Variants in ADGRL3 observed in about 807,000 individuals in gnomAD.
The protein encoded by ADGRL3 is calcium-independent alpha-latrotoxin receptor 3.
ADGRL3 carries 62 observed loss-of-function variants against 153.5 expected under a neutral mutation model. The ratio of observed to expected loss-of-function variants is 0.40; its 90% confidence interval spans 0.33 to 0.50. The LOEUF is 0.50. ADGRL3 is among the 20% of genes least tolerant of loss of function. The probability of loss-of-function intolerance (pLI) is 0.47; values close to 1 mark genes in which losing one functional copy is unlikely to be tolerated. For missense variants in ADGRL3, 1,641 were observed against 1,859.4 expected, an observed-to-expected ratio of 0.88 and a Z score of 2.16; for synonymous variants, 710 against 672.5, an observed-to-expected ratio of 1.06 and a Z score of -0.86.
intron 2 of ADGRL3, chr4:61,420,122 G>C (rs1359951895): frequency 2.0e-5 from 3 of 151,988 alleles, no homozygotes; most frequent in South Asian, 2.1e-4. Context: ...TATTTTAAAC[G>C]ATCTTTTTAA....
chr4:62,070,709 C>G lies in ADGRL3; in HGVS notation c.4433C>G (p.Pro1478Arg). The G allele has an allele frequency of 6.4e-7, 1 of 1,551,606 alleles. No homozygotes were observed. The highest frequency in any genetic ancestry group is 8.7e-7 in the Non-Finnish European group (1 of 1,146,972). ...ACCAGCACCCAGACCGAACCCCCAC[C>G]GGCCAAATGTGGTGATGCCGAAGAT... ...VTTSTQTEPP[P>R]AKCGDAEDVY... is the part of the protein sequence containing the mutation. Residue 1478 changes from proline to arginine, a missense_variant, in exon 27 of 27, where the codon CCG becomes CGG. This residue lies in a region of ADGRL3 where 517 missense variants were observed against 555.0 expected (regional missense o/e 0.93). Coordinates refer to ENST00000683033, the MANE Select transcript of ADGRL3 (RefSeq NM_001387552.1).
chr4:61,477,765 A>G (rs1286437626), intron 2 of ADGRL3, among the ~76,000 whole-genome samples: 1 of 152,108 alleles, frequency 6.6e-6, no homozygotes, highest in African/African-American at 2.4e-5. Flanking sequence ...ATGTGATGAT[A>G]TGTCTTTATC....
intron 1 of ADGRL3, among the ~76,000 whole-genome samples, chr4:61,348,226 A>C (rs2095964728): frequency 6.6e-6 from 1 of 152,070 alleles, no homozygotes; most frequent in Non-Finnish European, 1.5e-5. Context: ...CAAAACGATC[A>C]TAATATGATT....
chr4:61,533,874 T>C (rs1289079854), intron 4 of ADGRL3, among the ~76,000 whole-genome samples: 1 of 152,188 alleles, frequency 6.6e-6, no homozygotes, highest in African/African-American at 2.4e-5. Context: ...AAGTGCTATA[T>C]ACTAGGTACA....
chr4:61,521,097 G>A (rs1031484497), intron 4 of ADGRL3, among the ~76,000 whole-genome samples: 1 of 152,094 alleles, frequency 6.6e-6, no homozygotes, highest in African/African-American at 2.4e-5. Context: ...GTGTAACAGA[G>A]GCAATACTAG....
chr4:61,456,186 A>G (rs1327384789), intron 2 of ADGRL3, among the ~76,000 whole-genome samples: 1 of 151,472 alleles, frequency 6.6e-6, no homozygotes, highest in Non-Finnish European at 1.5e-5. Flanking sequence ...TTAAAATGAG[A>G]TGTAAAGCAT....
chr4:61,270,646 A>G (rs1039292306), intron 1 of ADGRL3, among the ~76,000 whole-genome samples: 17 of 151,938 alleles, frequency 1.1e-4, no homozygotes, highest in Non-Finnish European at 1.6e-4. Flanking sequence ...TATCAGAAGT[A>G]TATTTATACT....
At chr4:61,425,664 T>G (rs1169328126) in intron 2 of ADGRL3, among the ~76,000 whole-genome samples, 1 of 152,340 alleles carries the variant, frequency 6.6e-6, no homozygotes, top group South Asian at 2.1e-4. Context: ...CTATCTGTGC[T>G]AAAGTTACTG....
intron 5 of ADGRL3, among the ~76,000 whole-genome samples, chr4:61,640,306 A>G (rs1007955612): frequency 2.0e-5 from 3 of 152,194 alleles, no homozygotes; most frequent in Non-Finnish European, 4.4e-5. Context: ...AATTAGTTAC[A>G]GAACAGATCG....
At chr4:61,313,549 A>G (rs903923144) in intron 1 of ADGRL3, among the ~76,000 whole-genome samples, 4 of 152,210 alleles carry the variant, frequency 2.6e-5, no homozygotes, top group Admixed American at 6.5e-5. Flanking sequence ...AATGTTGTCA[A>G]TAGGATTTTG....
chr4:61,542,051 C>T (rs1460670240), intron 4 of ADGRL3, among the ~76,000 whole-genome samples: 1 of 151,938 alleles, frequency 6.6e-6, no homozygotes, highest in African/African-American at 2.4e-5. Flanking sequence ...CTCTTTTTTC[C>T]TGATAATTTT....
intron 5 of ADGRL3, among the ~76,000 whole-genome samples, chr4:61,661,884 A>G (rs2094605265): frequency 6.6e-6 from 1 of 152,224 alleles, no homozygotes; most frequent in Non-Finnish European, 1.5e-5. Flanking sequence ...TTAAGTATGT[A>G]TTTATCTGTT....
chr4:61,226,841 T>A (rs1391839846), intron 1 of ADGRL3, among the ~76,000 whole-genome samples: 1 of 152,142 alleles, frequency 6.6e-6, no homozygotes, highest in Non-Finnish European at 1.5e-5. Context: ...TCCAACCCTT[T>A]GCTACTATCC....
intron 5 of ADGRL3, among the ~76,000 whole-genome samples, chr4:61,644,631 T>C (rs1202842812): frequency 6.6e-6 from 1 of 152,238 alleles, no homozygotes; most frequent in Non-Finnish European, 1.5e-5. Context: ...TGTAGTTTGA[T>C]TGCACTGTGG....
chr4:61,828,276 A>G (rs949280791), intron 9 of ADGRL3, among the ~76,000 whole-genome samples: 3 of 152,166 alleles, frequency 2.0e-5, no homozygotes, highest in African/African-American at 7.2e-5. Context: ...GTTAGATAAA[A>G]CCATCCTAAG....
chr4:61,609,955 G>A (rs1023089130), intron 5 of ADGRL3, among the ~76,000 whole-genome samples: 1 of 151,852 alleles, frequency 6.6e-6, no homozygotes, highest in African/African-American at 2.4e-5. Context: ...TGCACAGGGT[G>A]GTTTGTATTT....
Position 61,769,781 on chromosome 4 carries a change from A to C in ADGRL3, c.1399+36227A>C, listed in dbSNP as rs182534528. Among the ~76,000 whole-genome samples, 235 of 149,752 alleles carry C rather than the reference A, an allele frequency of 1.6e-3. 2 individuals carry two copies. The East Asian group carries it at 0.025, about 16-fold the overall frequency. On this transcript the variant is annotated intron_variant, in intron 8 of 26. Transcript: ENST00000683033. ...CTCAGTGGGCAGGAGTGGGGGTCGC[A>C]AGGTGCTCAGTGGGGGTGCTTTTGG... is the stretch of plus-strand genomic sequence containing the variant.
At chr4:61,917,611 A>G (rs1356959215) in intron 13 of ADGRL3, among the ~76,000 whole-genome samples, 5 of 149,630 alleles carry the variant, frequency 3.3e-5, no homozygotes, top group Admixed American at 3.3e-4. Context: ...TCACCAACAC[A>G]TGTGATTTTC....
intron 6 of ADGRL3, among the ~76,000 whole-genome samples, chr4:61,726,211 T>TTTTTTTTTTTTTTTTGTTTTTTG (rs2096339612): frequency 7.8e-6 from 1 of 127,886 alleles, no homozygotes; most frequent in Non-Finnish European, 1.6e-5. Context: ...TTTTTTTTTG[T>TTTTTTTTTTTTTTTTGTTTTTTG]TTTTTGAGAA....
Sources: gnomAD v4.1 joint callset for allele counts (sites outside exome capture counted in the v4.1 genomes callset) on GRCh38, gnomAD v4.1.1 for gene constraint, gnomAD v4.1.1 regional missense constraint, MANE v1.5 for transcripts, NCBI Gene and HGNC (gene_info 2026-07-23, HGNC 2026-07-21) for gene names.